GLG1: variants seen among roughly 807,000 people sequenced by gnomAD.
GLG1 encodes the protein golgi glycoprotein 1, also known as Golgi apparatus protein 1.
Under a neutral mutation model 160.5 loss-of-function variants are expected in GLG1, and 38 were observed. The ratio of observed to expected loss-of-function variants is 0.24; its 90% CI spans 0.18 to 0.31. GLG1 has a LOEUF of 0.31. Among genes scored for constraint, GLG1 ranks in the 10% least tolerant of loss-of-function variants. The pLI is 1.00. For synonymous variants in GLG1, 644 were observed against 543.4 expected (o/e 1.19, Z -2.57); for missense variants, 1,373 against 1,505.2 (o/e 0.91, Z 1.45).
chr16:74,556,521 T>C (rs886959578), intron 1 of GLG1, among the ~76,000 whole-genome samples: 1 of 151,974 alleles, frequency 6.6e-6, no homozygotes, highest in Non-Finnish European at 1.5e-5. Context: ...ACAATGCCTC[T>C]ACAAATAAAA....
chr16:74,562,419 T>G lies in GLG1; in HGVS notation c.439-30266A>C, dbSNP rs116952062. Among the ~76,000 whole-genome samples the G allele has an allele frequency of 3.7e-3, 557 of 152,344 alleles. 1 individual carries two copies. Among genetic ancestry groups the G allele is most frequent in the Non-Finnish European group, 5.8e-3 (397 of 68,024 alleles). On this transcript the variant is annotated intron_variant, in intron 1 of 25. Coordinates refer to ENST00000422840, the MANE Select transcript of GLG1 (RefSeq NM_001145667.2). ...ATGAATAAATGCTGCAAGCCTTTAA[T>G]GCATTATACCAAAGTGTATTTTCAC...
intron 9 of GLG1, among the ~76,000 whole-genome samples, chr16:74,483,814 C>G (rs945432164): frequency 3.9e-5 from 6 of 151,914 alleles, no homozygotes; most frequent in Non-Finnish European, 7.4e-5. Context: ...CCCACCACCA[C>G]GCCCGGCTAA....
At chr16:74,492,536 T>C (rs1272649114) in intron 7 of GLG1, among the ~76,000 whole-genome samples, 2 of 145,636 alleles carry the variant, frequency 1.4e-5, no homozygotes, top group South Asian at 2.2e-4. Context: ...AAAAAAAAAA[T>C]TGCTAGGTGC....
At chr16:74,534,977 T>C (rs1011365136) in intron 1 of GLG1, among the ~76,000 whole-genome samples, 10 of 152,346 alleles carry the variant, frequency 6.6e-5, no homozygotes, top group African/African-American at 2.2e-4. Context: ...AGGATTTAAA[T>C]GTGCCTGGGT....
At chr16:74,587,467 A>G (rs1958079684) in intron 1 of GLG1, among the ~76,000 whole-genome samples, 1 of 152,214 alleles carries the variant, frequency 6.6e-6, no homozygotes, top group African/African-American at 2.4e-5. Context: ...GAATCTAATA[A>G]ACAATTACCA....
chr16:74,454,713 T>TTA (rs2014464337), intron 25 of GLG1, among the ~76,000 whole-genome samples: 1 of 144,226 alleles, frequency 6.9e-6, no homozygotes, highest in Non-Finnish European at 1.5e-5. Flanking sequence ...TTTTTTTTTG[T>TTA]TAGAGATGGG....
chr16:74,474,566 G>T lies in GLG1; in HGVS notation c.2032C>A (p.Leu678Ile). 1.9e-6 allele frequency: 3 copies of T among 1,544,912 alleles called. No homozygotes were observed. Among genetic ancestry groups the T allele is most frequent in the Non-Finnish European group, 2.7e-6 (3 of 1,116,896 alleles). Residue 678 changes from leucine (L) to isoleucine (I), a missense_variant, in exon 13 of 26, where the codon CTC becomes ATC. Physicochemically the swap from Leu to Ile is conservative, Grantham distance 5. This residue lies in a region of GLG1 where 386 missense variants were observed against 388.5 expected (regional missense o/e 0.99). Transcript: ENST00000422840. ...CTTACCTCTGATTCTAACTCAGTGAGGTTGCCAACTATATCTCTACACTCC... is the reference window on the plus strand; with the variant it reads ...CTTACCTCTGATTCTAACTCAGTGATGTTGCCAACTATATCTCTACACTCC... ...VVECRDIVGN[L>I]TELESEDIQI... is the part of the protein sequence containing the mutation.
intron 13 of GLG1, 34 bp downstream of exon 13, chr16:74,474,511 AC>A: frequency 1.0e-6 from 1 of 965,604 alleles, no homozygotes; most frequent in Non-Finnish European, 1.7e-6. Flanking sequence ...GCTGGCAGCC[AC>A]TCTCCTCCAA....
At chr16:74,562,085 A>G (rs1043871026) in intron 1 of GLG1, among the ~76,000 whole-genome samples, 12 of 152,266 alleles carry the variant, frequency 7.9e-5, no homozygotes, top group African/African-American at 1.9e-4. Flanking sequence ...GGCTGATGCT[A>G]TAACAGTAGC....
chr16:74,583,930 T>C (rs1295382428), intron 1 of GLG1, among the ~76,000 whole-genome samples: 3 of 152,088 alleles, frequency 2.0e-5, no homozygotes, highest in Non-Finnish European at 4.4e-5. Flanking sequence ...TACCCAAAAT[T>C]TGTCAAACGA....
chr16:74,470,182 C>G, intron 15 of GLG1, 109 bp from the exon 16 acceptor site: 1 of 731,850 alleles, frequency 1.4e-6, no homozygotes, highest in Non-Finnish European at 2.5e-6. Flanking sequence ...CAAGACCCTG[C>G]ATGGCTTGAC....
At chr16:74,591,092 G>C (rs1217312750) in intron 1 of GLG1, among the ~76,000 whole-genome samples, 1 of 152,166 alleles carries the variant, frequency 6.6e-6, no homozygotes, top group African/African-American at 2.4e-5. Context: ...CAGCACTTTG[G>C]GAGGCCAAGG....
At chr16:74,518,537 A>T (rs1231822466) in intron 2 of GLG1, among the ~76,000 whole-genome samples, 1 of 152,228 alleles carries the variant, frequency 6.6e-6, no homozygotes, top group Admixed American at 6.5e-5. Flanking sequence ...TACACCTTAT[A>T]CAAAAATAAA....
Position 74,452,208 on chromosome 16 carries a change from G to A in GLG1, c.*959C>T. ...ACTGCTCCCCACACCCATCTTCAAG[G>A]ACCCCTCCCGCCACAGTCCTGCCTC... On this transcript the variant is annotated 3_prime_UTR_variant, in exon 26 of 26. Coordinates refer to ENST00000422840, the MANE Select transcript of GLG1 (RefSeq NM_001145667.2). The A allele has an allele frequency of 6.5e-7, 1 of 1,529,416 alleles. No individual in the cohort carries two copies. Among genetic ancestry groups the A allele is most frequent in the African/African-American group, 1.4e-5 (1 of 73,014 alleles). The allele number at this position is 1,529,416 out of a possible 1,614,324, so 94.7% of individuals were successfully genotyped here.
chr16:74,493,422 C>T (rs961713946), intron 6 of GLG1, among the ~76,000 whole-genome samples: 3 of 152,164 alleles, frequency 2.0e-5, no homozygotes, highest in African/African-American at 7.2e-5. Context: ...TCACAGATCC[C>T]AATATGTTAA....
intron 19 of GLG1, among the ~76,000 whole-genome samples, chr16:74,464,380 C>A (rs1348073789): frequency 1.3e-5 from 2 of 152,198 alleles, no homozygotes; most frequent in Non-Finnish European, 2.9e-5. Flanking sequence ...GGGCTATAAT[C>A]CTACCAAGCA....
chr16:74,549,714 C>T (rs1158708906), intron 1 of GLG1, among the ~76,000 whole-genome samples: 5 of 151,768 alleles, frequency 3.3e-5, no homozygotes, highest in Non-Finnish European at 5.9e-5. Context: ...GGAGAATTTG[C>T]TAATTTTATA....
At chr16:74,501,987 G>T (rs1352242793) in intron 4 of GLG1, among the ~76,000 whole-genome samples, 2 of 152,228 alleles carry the variant, frequency 1.3e-5, no homozygotes, top group Non-Finnish European at 2.9e-5. Context: ...AAGGGCATCA[G>T]GGCTTTGGTG....
At chr16:74,502,720 T>TG (rs1158344930) in intron 4 of GLG1, among the ~76,000 whole-genome samples, 1 of 77,712 alleles carries the variant, frequency 1.3e-5, no homozygotes, top group African/African-American at 4.4e-5. Context: ...ATTTTGTTTT[T>TG]GGTTTTTTTT....
Sources: gnomAD v4.1 joint callset for allele counts (sites outside exome capture counted in the v4.1 genomes callset) on GRCh38, gnomAD v4.1.1 for gene constraint, gnomAD v4.1.1 regional missense constraint, MANE v1.5 for transcripts, NCBI Gene and HGNC (gene_info 2026-07-23, HGNC 2026-07-21) for gene names.